CHST1: variants seen among roughly 807,000 people sequenced by gnomAD.
The protein encoded by CHST1 is carbohydrate sulfotransferase 1.
Under a neutral mutation model 22.5 loss-of-function variants are expected in CHST1, and 10 were observed. The ratio of observed to expected loss-of-function variants is 0.44; its 90% CI spans 0.27 to 0.75. The LOEUF is 0.75. CHST1 is among the 30% of genes least tolerant of loss of function. CHST1 has a pLI of 0.15. For missense variants in CHST1, 439 were observed against 576.1 expected (o/e 0.76, Z 2.44); for synonymous variants, 267 against 264.5 (o/e 1.01, Z -0.09).
intron 1 of CHST1, among the ~76,000 whole-genome samples, chr11:45,653,559 C>G (rs1852025537): frequency 6.6e-6 from 1 of 152,216 alleles, no homozygotes; most frequent in Non-Finnish European, 1.5e-5. Context: ...CTGCTCTGCC[C>G]CAGTGCCCCA....
At chr11:45,657,015 G>A (rs45592340) in intron 1 of CHST1, among the ~76,000 whole-genome samples, 1 of 152,188 alleles carries the variant, frequency 6.6e-6, no homozygotes, top group Non-Finnish European at 1.5e-5. Context: ...AAGCAGCACA[G>A]TGAGGGCAGG....
chr11:45,650,489 G>A lies in CHST1; in HGVS notation c.435C>T (p.Asn145=), dbSNP rs745850155. 1.2e-6 allele frequency: 2 copies of A among 1,613,430 alleles called. No individual in the cohort carries two copies. Among genetic ancestry groups the A allele is most frequent in the Non-Finnish European group, 1.7e-6 (2 of 1,179,972 alleles). ...LENYIKPPPV[N]HTTDRIFRRG... is the part of the protein sequence containing the mutation. ...GGCGGAAGATCCTGTCGGTGGTGTG[G>A]TTGACCGGCGGCGGCTTGATGTAGT... The change falls in exon 4 of 4, where the codon AAC becomes AAT. Residue 145 remains asparagine (N), a synonymous_variant. Transcript: ENST00000308064.
Position 45,650,296 on chromosome 11 carries a change from C to T in CHST1, c.628G>A (p.Val210Met), listed in dbSNP as rs746564532. ...GCGCGCAGGTCGTTCACCTCGGGCA[C>T]GCGCACCGTCTTGATGGCCACGTGG... ...RSHVAIKTVRVPEVNDLRALV... is the reference protein window; with the variant it reads ...RSHVAIKTVRMPEVNDLRALV... The change falls in exon 4 of 4, where the codon GTG (valine) becomes ATG (methionine). Residue 210 changes from valine (V) to methionine (M), a missense_variant. Coordinates refer to ENST00000308064, the MANE Select transcript of CHST1 (RefSeq NM_003654.6). 5.6e-6 allele frequency: 9 copies of T among 1,605,098 alleles called. No individual in the cohort carries two copies. The Admixed American group carries it at 1.3e-4, about 24-fold the overall frequency.
At chr11:45,658,107 G>A (rs1335699278) in intron 1 of CHST1, among the ~76,000 whole-genome samples, 1 of 152,190 alleles carries the variant, frequency 6.6e-6, no homozygotes, top group African/African-American at 2.4e-5. Flanking sequence ...ATTCAGGGAG[G>A]CAGTCGGAGG....
rs762577231 is a variant in CHST1 at position 45,649,804 on chromosome 11, T to C, written c.1120A>G (p.Asn374Asp). 6.2e-7 allele frequency: 1 copy of C among 1,612,056 alleles called. No homozygotes were observed. Among genetic ancestry groups the C allele is most frequent in the Admixed American group, 1.7e-5 (1 of 60,028 alleles). Reference sequence around the variant, plus strand: ...TGGGCCAGCACCTGCTGGCAGGCGTTCTGGGCAAAGGCCACGATGTCGTAG... The same window carrying C: ...TGGGCCAGCACCTGCTGGCAGGCGTCCTGGGCAAAGGCCACGATGTCGTAG... The part of the protein sequence containing the change: ...LSYDIVAFAQ[N>D]ACQQVLAQLG... Residue 374 changes from asparagine (N) to aspartate (D), a missense_variant, in exon 4 of 4, where the codon AAC becomes GAC. By Grantham distance (23) the Asn-to-Asp change is conservative. Coordinates refer to ENST00000308064, the MANE Select transcript of CHST1 (RefSeq NM_003654.6).
chr11:45,660,792 C>A (rs1015732466), intron 1 of CHST1, among the ~76,000 whole-genome samples: 3 of 152,232 alleles, frequency 2.0e-5, no homozygotes, highest in Admixed American at 2.0e-4. Context: ...GCCCCCCACA[C>A]ACTGCAGGGA....
intron 1 of CHST1, among the ~76,000 whole-genome samples, chr11:45,664,649 C>T (rs911932151): frequency 3.9e-5 from 6 of 152,244 alleles, no homozygotes; most frequent in African/African-American, 1.2e-4. Context: ...GGGCTCTGCA[C>T]CATCCGGCGG....
chr11:45,654,477 C>G (rs1031285970), intron 1 of CHST1, among the ~76,000 whole-genome samples: 1 of 152,244 alleles, frequency 6.6e-6, no homozygotes, highest in African/African-American at 2.4e-5. Flanking sequence ...CTCTCCCAGC[C>G]TGGCAGAGCT....
In CHST1 at chr11:45,650,959, G is replaced by T; in HGVS notation, c.-36C>A. On this transcript the variant is annotated 5_prime_UTR_variant, in exon 4 of 4. Transcript: ENST00000308064. ...CTTCATGGGGCTGCTTCTCCAAGGG[G>T]TGAGGTCTGTGGGCAAAGGCGGCCA... 6.6e-7 allele frequency: 1 copy of T among 1,515,324 alleles called. No homozygotes were observed. Among genetic ancestry groups the T allele is most frequent in the Non-Finnish European group, 8.8e-7 (1 of 1,133,436 alleles). The allele number at this position is 1,515,324 out of a possible 1,614,324, so 93.9% of individuals were successfully genotyped here.
intron 1 of CHST1, among the ~76,000 whole-genome samples, chr11:45,655,742 G>A (rs976203108): frequency 2.6e-5 from 4 of 152,240 alleles, no homozygotes; most frequent in Non-Finnish European, 4.4e-5. Context: ...AGGCAGGACT[G>A]GCCCACATGG....
intron 1 of CHST1, among the ~76,000 whole-genome samples, chr11:45,662,234 G>A (rs1284074632): frequency 1.3e-5 from 2 of 152,138 alleles, no homozygotes; most frequent in Non-Finnish European, 2.9e-5. Flanking sequence ...ATCTCTGCCT[G>A]GACCTCTTCT....
chr11:45,649,686 G>C lies in CHST1; in HGVS notation c.*2C>G, dbSNP rs138221905. 6.4e-6 allele frequency: 10 copies of C among 1,557,738 alleles called. No individual in the cohort carries two copies. The African/African-American group carries it at 1.4e-4, about 21-fold the overall frequency. On this transcript the variant is annotated 3_prime_UTR_variant, in exon 4 of 4. Transcript: ENST00000308064. The stretch of plus-strand genomic sequence containing the variant: ...CTCCCGCCCCCACCCGCACCGCCCG[G>C]GTCACGAGAAGGGGCGGAAGTCCCG...
intron 1 of CHST1, among the ~76,000 whole-genome samples, chr11:45,660,672 C>A (rs948449033): frequency 2.0e-5 from 3 of 152,200 alleles, no homozygotes; most frequent in African/African-American, 7.2e-5. Flanking sequence ...GCAGCAGGCT[C>A]GTCTGTCTGT....
chr11:45,650,878 T>C lies in CHST1; in HGVS notation c.46A>G (p.Ile16Val). Residue 16 changes from isoleucine to valine, a missense_variant, in exon 4 of 4, where the codon ATT becomes GTT. Physicochemically the swap from Ile to Val is conservative, Grantham distance 29. Transcript: ENST00000308064. The stretch of plus-strand genomic sequence containing the variant: ...CGGATGGCCGTGTACTGGATGGCAA[T>C]GGAGGCCAGGGCAAGGAGGAGGACG... ...KAVLLLALAS[I>V]AIQYTAIRTF... is the part of the protein sequence containing the mutation. The C allele has an allele frequency of 6.4e-7, 1 of 1,562,062 alleles. No homozygotes were observed. The highest frequency in any genetic ancestry group is 1.2e-5 in the South Asian group (1 of 81,852).
intron 1 of CHST1, among the ~76,000 whole-genome samples, chr11:45,662,760 G>A (rs945993496): frequency 1.3e-5 from 2 of 152,162 alleles, no homozygotes; most frequent in East Asian, 1.9e-4. Flanking sequence ...AGGTAGCCAT[G>A]AGCCCGGGCA....
In CHST1 at chr11:45,652,534, T is replaced by A. The variant is rs1852010789; in HGVS notation, c.-154A>T. ...AGGGGGGCTTACCCCGGCCTCCAGG[T>A]CGAAAGGGCGCCTCCGGGAATGCAG... On this transcript the variant is annotated 5_prime_UTR_variant, in exon 2 of 4. Transcript: ENST00000308064. 6.6e-6 allele frequency: 1 copy of A among 152,128 alleles called. No homozygotes were observed. Among genetic ancestry groups the A allele is most frequent in the Non-Finnish European group, 1.5e-5 (1 of 68,028 alleles). 9.4% of individuals were successfully genotyped at this position (152,128 alleles called of 1,614,324 possible).
At chr11:45,659,548 T>G (rs1325343856) in intron 1 of CHST1, among the ~76,000 whole-genome samples, 1 of 152,146 alleles carries the variant, frequency 6.6e-6, no homozygotes, top group Non-Finnish European at 1.5e-5. Flanking sequence ...TTGGTTCCCC[T>G]GGCATACCAA....
Position 45,649,556 on chromosome 11 carries a change from G to C in CHST1, c.*132C>G. 1.1e-6 allele frequency: 1 copy of C among 933,736 alleles called. No individual in the cohort carries two copies. Among genetic ancestry groups the C allele is most frequent in the East Asian group, 2.4e-5 (1 of 40,876 alleles). The allele number at this position is 933,736 out of a possible 1,614,324, so 57.8% of individuals were successfully genotyped here. ...GACAAAAAAGGGGCAGAAGGGAGTG[G>C]GGTGAGCTGGGGGCAGGAAGGACAC... On this transcript the variant is annotated 3_prime_UTR_variant, in exon 4 of 4. Coordinates refer to ENST00000308064, the MANE Select transcript of CHST1 (RefSeq NM_003654.6).
Position 45,649,140 on chromosome 11 carries a change from A to G in CHST1, c.*548T>C, listed in dbSNP as rs1354337320. Reference sequence around the variant, plus strand: ...TCACCTCACAGTAAAAACCTGCCTCACCGACAGGCAAGGGCGGGCAGGAGG... The same window carrying G: ...TCACCTCACAGTAAAAACCTGCCTCGCCGACAGGCAAGGGCGGGCAGGAGG... On this transcript the variant is annotated 3_prime_UTR_variant, in exon 4 of 4. Transcript: ENST00000308064. 3 of 153,038 alleles carry G rather than the reference A, an allele frequency of 2.0e-5. No individual in the cohort carries two copies. The highest frequency in any genetic ancestry group is 7.3e-5 in the African/African-American group (3 of 41,366). The allele number at this position is 153,038 out of a possible 1,614,324, so 9.5% of individuals were successfully genotyped here.
Sources: gnomAD v4.1 joint callset for allele counts (sites outside exome capture counted in the v4.1 genomes callset) on GRCh38, gnomAD v4.1.1 for gene constraint, MANE v1.5 for transcripts, NCBI Gene and HGNC (gene_info 2026-07-23, HGNC 2026-07-21) for gene names.